Variants in SEMA5A observed in about 807,000 individuals in gnomAD.
The protein encoded by SEMA5A is semaphorin-5A.
Under a neutral mutation model 135.5 loss-of-function variants are expected in SEMA5A, and 55 were observed. The ratio of observed to expected loss-of-function variants is 0.41; its 90% CI spans 0.33 to 0.51. The LOEUF (loss-of-function observed/expected upper bound fraction) is 0.51, where lower values mean the gene tolerates loss of function less well. Among genes scored for constraint, SEMA5A ranks in the 20% least tolerant of loss-of-function variants. SEMA5A has a pLI of 0.37. For synonymous variants in SEMA5A, 580 were observed against 546.5 expected, an observed-to-expected ratio of 1.06 and a Z score of -0.85; for missense variants, 1,290 against 1,419.9, an observed-to-expected ratio of 0.91 and a Z score of 1.47.
chr5:9,215,575 T>C (rs1746573137), intron 8 of SEMA5A, among the ~76,000 whole-genome samples: 1 of 152,172 alleles, frequency 6.6e-6, no homozygotes, highest in Non-Finnish European at 1.5e-5. Context: ...TGCCTGGGGC[T>C]ACTAGAGCTA....
At chr5:9,234,562 G>A (rs771123930) in intron 6 of SEMA5A, among the ~76,000 whole-genome samples, 13 of 152,174 alleles carry the variant, frequency 8.5e-5, no homozygotes, top group Non-Finnish European at 1.9e-4. Context: ...GCTGTACTTC[G>A]AAGCAACAGA....
At chr5:9,536,042 C>G (rs1181868851) in intron 1 of SEMA5A, among the ~76,000 whole-genome samples, 2 of 152,172 alleles carry the variant, frequency 1.3e-5, no homozygotes, top group African/African-American at 4.8e-5. Context: ...ATAGCAGCAG[C>G]AGCTTGAATC....
At position 9,318,033 on chromosome 5, in the gene SEMA5A, C is replaced by G. The variant is rs1752465504; in HGVS notation, c.270+339G>C. On this transcript the variant is annotated intron_variant, in intron 5 of 22. Coordinates refer to ENST00000382496, the MANE Select transcript of SEMA5A (RefSeq NM_003966.3). ...GAAATTGATGCCCGGATGCATCAAA[C>G]TAAATAATCGATGATTGCTGTAACT... Among the ~76,000 whole-genome samples, 4 of 152,148 alleles carry G rather than the reference C, an allele frequency of 2.6e-5. 1 individual carries two copies. Among genetic ancestry groups the G allele is most frequent in the Non-Finnish European group, 4.4e-5 (3 of 68,034 alleles).
At chr5:9,075,242 C>T (rs1391939253) in intron 16 of SEMA5A, among the ~76,000 whole-genome samples, 1 of 152,180 alleles carries the variant, frequency 6.6e-6, no homozygotes, top group East Asian at 1.9e-4. Context: ...GTAAATGGCA[C>T]AAGCCATTTG....
At chr5:9,179,416 G>C (rs1255299805) in intron 11 of SEMA5A, among the ~76,000 whole-genome samples, 1 of 152,174 alleles carries the variant, frequency 6.6e-6, no homozygotes, top group African/African-American at 2.4e-5. Context: ...GAGGAAGCAA[G>C]AGACCAAGAA....
At chr5:9,276,372 T>C (rs1369030460) in intron 5 of SEMA5A, among the ~76,000 whole-genome samples, 2 of 152,116 alleles carry the variant, frequency 1.3e-5, no homozygotes, top group Non-Finnish European at 2.9e-5. Flanking sequence ...ATTGTGAAAA[T>C]GGCCATACTG....
At chr5:9,213,434 A>C (rs2150392084) in intron 8 of SEMA5A, among the ~76,000 whole-genome samples, 1 of 152,312 alleles carries the variant, frequency 6.6e-6, no homozygotes, top group South Asian at 2.1e-4. Flanking sequence ...GAAGAGTCAA[A>C]AGGGCTAGAT....
chr5:9,223,364 G>T (rs994227903), intron 8 of SEMA5A, among the ~76,000 whole-genome samples: 85 of 152,290 alleles, frequency 5.6e-4, no homozygotes, highest in African/African-American at 2.0e-3. Flanking sequence ...CGTATCCATG[G>T]TTTTGCATAT....
intron 15 of SEMA5A, among the ~76,000 whole-genome samples, chr5:9,114,846 T>A (rs1740429817): frequency 6.6e-6 from 1 of 152,236 alleles, no homozygotes; most frequent in South Asian, 2.1e-4. Flanking sequence ...AAGGTTGGAA[T>A]ACAGTAAAAG....
At chr5:9,467,402 G>T (rs112059597) in intron 1 of SEMA5A, among the ~76,000 whole-genome samples, 4 of 152,190 alleles carry the variant, frequency 2.6e-5, no homozygotes, top group African/African-American at 9.6e-5. Flanking sequence ...GTGAGCCACC[G>T]CGCCCGGCTG....
At chr5:9,397,572 AG>A (rs1379374951) in intron 2 of SEMA5A, among the ~76,000 whole-genome samples, 2 of 152,256 alleles carry the variant, frequency 1.3e-5, no homozygotes, top group Non-Finnish European at 2.9e-5. Flanking sequence ...CCCAATCATT[AG>A]AACATTCTGA....
chr5:9,079,152 G>A (rs1251950352), intron 16 of SEMA5A, among the ~76,000 whole-genome samples: 1 of 151,672 alleles, frequency 6.6e-6, no homozygotes, highest in Non-Finnish European at 1.5e-5. Context: ...AAAATTTTTT[G>A]CTTTTTAAAA....
At position 9,038,430 on chromosome 5, in the gene SEMA5A, G is replaced by A. The variant is rs1013358398; in HGVS notation, c.*4467C>T. Reference sequence around the variant, plus strand: ...ACACACACAAGAAAACCCCATTGAAGTGTAAAGGATACCCGGACCCTAAAG... The same window carrying A: ...ACACACACAAGAAAACCCCATTGAAATGTAAAGGATACCCGGACCCTAAAG... On this transcript the variant is annotated 3_prime_UTR_variant, in exon 23 of 23. Transcript: ENST00000382496. 2.6e-5 allele frequency: 4 copies of A among 152,174 alleles called. No individual in the cohort carries two copies. Among genetic ancestry groups the A allele is most frequent in the African/African-American group, 9.7e-5 (4 of 41,434 alleles). 9.4% of individuals were successfully genotyped at this position (152,174 alleles called of 1,614,324 possible).
intron 1 of SEMA5A, among the ~76,000 whole-genome samples, chr5:9,532,448 T>C (rs1395230223): frequency 1.3e-5 from 2 of 149,654 alleles, no homozygotes; most frequent in Non-Finnish European, 3.0e-5. Flanking sequence ...TTCTTTTTTT[T>C]TTTTTTTTTT....
intron 11 of SEMA5A, among the ~76,000 whole-genome samples, chr5:9,168,054 T>C (rs374842778): frequency 2.6e-5 from 4 of 152,178 alleles, no homozygotes; most frequent in Admixed American, 1.3e-4. Context: ...TAACTTCCTA[T>C]GCACCCCTCT....
intron 5 of SEMA5A, among the ~76,000 whole-genome samples, chr5:9,255,578 C>T (rs1008782302): frequency 6.6e-6 from 1 of 152,170 alleles, no homozygotes; most frequent in Non-Finnish European, 1.5e-5. Flanking sequence ...CTGCCCATGG[C>T]TCATCCTGTC....
chr5:9,244,056 C>T (rs559744313), intron 5 of SEMA5A, among the ~76,000 whole-genome samples: 307 of 152,182 alleles, frequency 2.0e-3, no homozygotes, highest in African/African-American at 7.0e-3. Flanking sequence ...GCCCTAGAAT[C>T]GATTTTAAAA....
intron 1 of SEMA5A, among the ~76,000 whole-genome samples, chr5:9,496,767 G>A (rs1337415314): frequency 6.6e-6 from 1 of 152,086 alleles, no homozygotes; most frequent in Non-Finnish European, 1.5e-5. Context: ...AGGAAGGCTG[G>A]GTCTCCAAAG....
At chr5:9,192,171 G>C (rs913303691) in intron 10 of SEMA5A, among the ~76,000 whole-genome samples, 4 of 152,254 alleles carry the variant, frequency 2.6e-5, no homozygotes, top group African/African-American at 7.2e-5. Flanking sequence ...TGACCCAAGT[G>C]CTACTCTGGC....
Sources: allele counts gnomAD v4.1 joint callset (sites outside exome capture counted in the v4.1 genomes callset), GRCh38; gene constraint gnomAD v4.1.1; transcripts MANE v1.5; gene names NCBI Gene and HGNC (gene_info 2026-07-23, HGNC 2026-07-21).